Variants in GALNT1 observed in about 807,000 individuals in gnomAD.
GALNT1 encodes GalNAc transferase 1.
In GALNT1, 17 loss-of-function variants were observed where a neutral mutation model predicts 65.7. That is an observed-to-expected ratio of 0.26 (90% confidence interval 0.18 to 0.39). The LOEUF (loss-of-function observed/expected upper bound fraction) is 0.39, where lower values mean the gene tolerates loss of function less well. Among genes scored for constraint, GALNT1 ranks in the 10% least tolerant of loss-of-function variants. The pLI is 1.00. For missense variants in GALNT1, 460 were observed against 672.8 expected, an observed-to-expected ratio of 0.68 and a Z score of 3.50; for synonymous variants, 210 against 219.7, an observed-to-expected ratio of 0.96 and a Z score of 0.39.
At chr18:35,592,602 G>A (rs1206580902) in intron 1 of GALNT1, among the ~76,000 whole-genome samples, 3 of 152,152 alleles carry the variant, frequency 2.0e-5, no homozygotes, top group African/African-American at 7.2e-5. Context: ...GAAAGGTTTT[G>A]AGTAGGAGAA....
chr18:35,641,528 A>C (rs900586445), intron 1 of GALNT1, among the ~76,000 whole-genome samples: 2 of 152,220 alleles, frequency 1.3e-5, no homozygotes, highest in Admixed American at 6.5e-5. Flanking sequence ...GAAAAACACA[A>C]AACAACACAT....
intron 1 of GALNT1, among the ~76,000 whole-genome samples, chr18:35,632,771 G>A (rs1273744195): frequency 1.6e-4 from 24 of 152,112 alleles, no homozygotes; most frequent in Non-Finnish European, 2.8e-4. Context: ...GCAACCTACA[G>A]AATGGGAGAA....
At chr18:35,627,954 C>T (rs921035246) in intron 1 of GALNT1, among the ~76,000 whole-genome samples, 4 of 132,354 alleles carry the variant, frequency 3.0e-5, no homozygotes, top group Non-Finnish European at 7.2e-5. Flanking sequence ...CCTACGCCCA[C>T]GGAGCCTCGC....
At chr18:35,687,540 A>G (rs2047887457) in intron 6 of GALNT1, among the ~76,000 whole-genome samples, 1 of 152,186 alleles carries the variant, frequency 6.6e-6, no homozygotes, top group African/African-American at 2.4e-5. Context: ...TGAAGATACT[A>G]CCTAAAACTG....
At position 35,709,961 on chromosome 18, in the gene GALNT1, A is replaced by T. The variant is rs1257345093; in HGVS notation, c.*191A>T. ...TGTGAACCAGCCTTCCTGTCCATGG[A>T]CGTGAAACTGCATAGTAATGAGACT... On this transcript the variant is annotated 3_prime_UTR_variant, in exon 12 of 12. Transcript: ENST00000269195. The T allele has an allele frequency of 1.7e-6, 1 of 603,218 alleles. No individual in the cohort carries two copies. Among genetic ancestry groups the T allele is most frequent in the South Asian group, 2.1e-5 (1 of 47,862 alleles). 37.4% of individuals were successfully genotyped at this position (603,218 alleles called of 1,614,324 possible). A position where few individuals can be genotyped will look rare whatever the true frequency, so the allele number is the denominator to read the frequency against.
intron 1 of GALNT1, among the ~76,000 whole-genome samples, chr18:35,638,468 A>C (rs73946684): frequency 0.094 from 14,159 of 150,374 alleles, 787 homozygotes; most frequent in African/African-American, 0.16. Flanking sequence ...TCCCCACCCC[A>C]CACACACACA....
At chr18:35,707,058 G>A (rs1168393438) in intron 11 of GALNT1, among the ~76,000 whole-genome samples, 1 of 152,080 alleles carries the variant, frequency 6.6e-6, no homozygotes, top group Non-Finnish European at 1.5e-5. Context: ...CTAGATTCTC[G>A]ATCCAGGTTT....
intron 1 of GALNT1, among the ~76,000 whole-genome samples, chr18:35,651,313 G>T (rs1257705429): frequency 6.6e-6 from 1 of 151,930 alleles, no homozygotes; most frequent in Admixed American, 6.6e-5. Context: ...TCATAATTTT[G>T]CACCATAACT....
chr18:35,675,892 C>CTTAT (rs1260269249), intron 3 of GALNT1, among the ~76,000 whole-genome samples: 3 of 152,132 alleles, frequency 2.0e-5, no homozygotes, highest in Admixed American at 2.0e-4. Context: ...ACTTCAGAGT[C>CTTAT]TTATTCCAGG....
At chr18:35,687,397 C>G (rs970921442) in intron 6 of GALNT1, among the ~76,000 whole-genome samples, 2 of 152,174 alleles carry the variant, frequency 1.3e-5, no homozygotes, top group African/African-American at 4.8e-5. Flanking sequence ...TTCTATAAAT[C>G]TAGTGCACAT....
At chr18:35,699,488 A>G (rs2144718890) in intron 9 of GALNT1, among the ~76,000 whole-genome samples, 1 of 152,348 alleles carries the variant, frequency 6.6e-6, no homozygotes, top group African/African-American at 2.4e-5. Context: ...GTGACTTGAA[A>G]GGAGTGAACT....
At chr18:35,683,337 C>A in intron 4 of GALNT1, 54 bp from the exon 5 acceptor site, 1 of 1,418,946 alleles carries the variant, frequency 7.0e-7, no homozygotes, top group Non-Finnish European at 9.8e-7. Context: ...TTACTTTCAT[C>A]TGAATAGTGC....
chr18:35,622,057 G>C (rs1360393684), intron 1 of GALNT1, among the ~76,000 whole-genome samples: 10 of 152,062 alleles, frequency 6.6e-5, no homozygotes, highest in Non-Finnish European at 1.5e-5. Context: ...GCTCTTCCAT[G>C]TAATTTTAGG....
chr18:35,708,796 T>C (rs1485838703), intron 11 of GALNT1, among the ~76,000 whole-genome samples: 1 of 152,234 alleles, frequency 6.6e-6, no homozygotes. Context: ...AATAAGTGGA[T>C]AAAATATATA....
At chr18:35,700,730 G>T (rs1249713549) in intron 9 of GALNT1, among the ~76,000 whole-genome samples, 1 of 152,078 alleles carries the variant, frequency 6.6e-6, no homozygotes, top group Non-Finnish European at 1.5e-5. Flanking sequence ...GGATCCTCCT[G>T]CCTCGGCCTC....
At chr18:35,686,048 A>G (rs1371557412) in intron 5 of GALNT1, among the ~76,000 whole-genome samples, 1 of 152,220 alleles carries the variant, frequency 6.6e-6, no homozygotes, top group East Asian at 1.9e-4. Context: ...AGCCTGGGCA[A>G]CAGGAGTGAG....
At chr18:35,606,525 G>A (rs1469463478) in intron 1 of GALNT1, among the ~76,000 whole-genome samples, 1 of 152,130 alleles carries the variant, frequency 6.6e-6, no homozygotes, top group Non-Finnish European at 1.5e-5. Context: ...TTTTAGACTA[G>A]TTAATTAGAA....
At chr18:35,620,646 T>C (rs920689650) in intron 1 of GALNT1, among the ~76,000 whole-genome samples, 2 of 152,224 alleles carry the variant, frequency 1.3e-5, no homozygotes, top group African/African-American at 4.8e-5. Context: ...ATGGAACATA[T>C]TGTACATATT....
chr18:35,700,667 G>A (rs1406237562), intron 9 of GALNT1, among the ~76,000 whole-genome samples: 1 of 152,132 alleles, frequency 6.6e-6, no homozygotes. Flanking sequence ...TTACAAAATA[G>A]AGGCAGGGTC....
Sources: allele counts gnomAD v4.1 joint callset (sites outside exome capture counted in the v4.1 genomes callset), GRCh38; gene constraint gnomAD v4.1.1; transcripts MANE v1.5; gene names NCBI Gene and HGNC (gene_info 2026-07-23, HGNC 2026-07-21).